The following ANKRD28 variants were observed in gnomAD, a reference collection of about 807,000 sequenced individuals.
The protein encoded by ANKRD28 is ankyrin repeat domain 28.
A neutral mutation model predicts 126.5 loss-of-function variants in ANKRD28; 44 were observed. That is an observed-to-expected ratio of 0.35 (90% CI 0.27 to 0.45). The LOEUF (loss-of-function observed/expected upper bound fraction) is 0.45, where lower values mean the gene tolerates loss of function less well. Among genes scored for constraint, ANKRD28 ranks in the 20% least tolerant of loss-of-function variants. The pLI is 1.00. For synonymous variants in ANKRD28, 442 were observed against 468.5 expected (o/e 0.94, Z 0.73); for missense variants, 1,110 against 1,316.6 (o/e 0.84, Z 2.43).
At chr3:15,784,835 A>C (rs2059700931) in intron 2 of ANKRD28, among the ~76,000 whole-genome samples, 1 of 152,050 alleles carries the variant, frequency 6.6e-6, no homozygotes, top group South Asian at 2.1e-4. Flanking sequence ...AGAATACAGC[A>C]GAGTAGGAAG....
At chr3:15,778,210 A>G (rs931629655) in intron 2 of ANKRD28, among the ~76,000 whole-genome samples, 2 of 152,204 alleles carry the variant, frequency 1.3e-5, no homozygotes, top group Non-Finnish European at 2.9e-5. Flanking sequence ...CTCTGGAGAT[A>G]GGAATCTTGT....
intron 24 of ANKRD28, 35 bp downstream of exon 24, chr3:15,678,174 C>T (rs371765070): frequency 3.2e-6 from 5 of 1,569,610 alleles, no homozygotes; most frequent in African/African-American, 1.4e-5. Context: ...GATACACATA[C>T]TTAGGAAAAT....
rs773014455 is a variant in ANKRD28, at chr3:15,838,434, G to A, written c.27+20943C>T. Among the ~76,000 whole-genome samples the A allele has an allele frequency of 1.1e-4, 17 of 152,000 alleles. No individual in the cohort carries two copies. Among genetic ancestry groups the A allele is most frequent in the Non-Finnish European group, 2.1e-4 (14 of 68,018 alleles). On this transcript the variant is annotated intron_variant, in intron 1 of 27. Transcript: ENST00000399451. This position sits in a 1 kb window ranked among gnomAD's most constrained non-coding sequence, Gnocchi z 4.0. ...ACATAAGCTTATTATACGACCCAGC[G>A]ATTCTACTCAAGAATCTTTGTGGCC...
chr3:15,795,146 A>C, intron 2 of ANKRD28, 77 bp downstream of exon 2: 1 of 1,058,782 alleles, frequency 9.4e-7, no homozygotes, highest in South Asian at 1.3e-5. Context: ...TATGTCTTGT[A>C]AACAAAAATC....
intron 27 of ANKRD28, among the ~76,000 whole-genome samples, chr3:15,675,326 C>T (rs1259662543): frequency 6.6e-6 from 1 of 152,102 alleles, no homozygotes; most frequent in African/African-American, 2.4e-5. Context: ...GGAATAACTG[C>T]GGACAGCAAG....
chr3:15,672,948 G>GT (rs960355507), intron 27 of ANKRD28, among the ~76,000 whole-genome samples: 6 of 152,166 alleles, frequency 3.9e-5, no homozygotes, highest in Admixed American at 3.9e-4. Flanking sequence ...GCTAATTTTT[G>GT]TATTTTTAGT....
At chr3:15,740,077 A>G (rs2075337171) in intron 4 of ANKRD28, among the ~76,000 whole-genome samples, 1 of 152,270 alleles carries the variant, frequency 6.6e-6, no homozygotes, top group Non-Finnish European at 1.5e-5. Flanking sequence ...AAATGAACCA[A>G]TAATGCATGA....
chr3:15,739,413 G>C (rs1346936523), intron 4 of ANKRD28, among the ~76,000 whole-genome samples: 1 of 152,104 alleles, frequency 6.6e-6, no homozygotes. Flanking sequence ...CCCTCCACTT[G>C]GGGTCCCTGA....
intron 18 of ANKRD28, chr3:15,686,531 C>T (rs563012870): frequency 3.6e-6 from 2 of 551,888 alleles, no homozygotes; most frequent in Non-Finnish European, 3.2e-6. Flanking sequence ...GGCAGACCGC[C>T]TACCCAGCAC....
intron 1 of ANKRD28, among the ~76,000 whole-genome samples, chr3:15,842,929 C>T (rs74527875): frequency 4.0e-4 from 61 of 152,328 alleles, no homozygotes; most frequent in African/African-American, 1.4e-3. Flanking sequence ...ATATATAGCA[C>T]ACCCGGACAG....
intron 8 of ANKRD28, among the ~76,000 whole-genome samples, chr3:15,715,668 G>A (rs917616968): frequency 6.6e-6 from 1 of 152,156 alleles, no homozygotes; most frequent in Admixed American, 6.5e-5. Context: ...CTTACCACAA[G>A]CAAGATTTTT....
intron 1 of ANKRD28, among the ~76,000 whole-genome samples, chr3:15,805,522 T>G (rs796273922): frequency 7.2e-5 from 11 of 152,310 alleles, no homozygotes; most frequent in African/African-American, 2.6e-4. Context: ...GATAAACACA[T>G]TCTCTGAAAT....
rs964252704 is a variant in ANKRD28, at chr3:15,838,312, G to A, written c.27+21065C>T. Among the ~76,000 whole-genome samples, 3 of 152,206 alleles carry A rather than the reference G, an allele frequency of 2.0e-5. No individual in the cohort carries two copies. The highest frequency in any genetic ancestry group is 4.4e-5 in the Non-Finnish European group (3 of 68,006). ...CCAAAGCCAGACAAAGATATCACAC[G>A]AATAGAGATTTTTTTTAATCCTAAC... On this transcript the variant is annotated intron_variant, in intron 1 of 27. Coordinates refer to the ANKRD28 transcript ENST00000399451. This position sits in a 1 kb window ranked among gnomAD's most constrained non-coding sequence, Gnocchi z 4.0.
intron 3 of ANKRD28, among the ~76,000 whole-genome samples, chr3:15,757,779 G>A (rs1290278469): frequency 6.6e-6 from 1 of 152,156 alleles, no homozygotes; most frequent in Non-Finnish European, 1.5e-5. Context: ...ATTCTGTTAT[G>A]GCAGCCCGAA....
intron 2 of ANKRD28, among the ~76,000 whole-genome samples, chr3:15,785,171 A>C (rs552184977): frequency 2.2e-4 from 33 of 152,258 alleles, no homozygotes; most frequent in African/African-American, 7.9e-4. Flanking sequence ...TTTGGGGATG[A>C]CCTTTTAGAT....
rs971276227 is a variant in ANKRD28 at position 15,711,088 on chromosome 3, A to T, written c.1337+123T>A. 37 of 813,062 alleles carry T rather than the reference A, an allele frequency of 4.6e-5. No individual in the cohort carries two copies. In the South Asian group the frequency reaches 5.6e-4, roughly 12 times the overall value. The allele number at this position is 813,062 out of a possible 1,614,324, so 50.4% of individuals were successfully genotyped here. On this transcript the variant is annotated intron_variant, in intron 12 of 27. Coordinates refer to ENST00000683139, the MANE Select transcript of ANKRD28 (RefSeq NM_001349278.2). ...GCCACCCTGGACTTTTTTTTCCCAA[A>T]CAACTCCTGTTTTGTTTTCTATTTT...
At chr3:15,790,225 A>G (rs2059965653) in intron 2 of ANKRD28, among the ~76,000 whole-genome samples, 1 of 152,142 alleles carries the variant, frequency 6.6e-6, no homozygotes, top group South Asian at 2.1e-4. Context: ...CATTTAAAGA[A>G]GAACTAATAC....
chr3:15,705,858 G>GCAC (rs79619706), intron 14 of ANKRD28, among the ~76,000 whole-genome samples: 26,799 of 151,816 alleles, frequency 0.18, 3,521 homozygotes, highest in East Asian at 0.58. Flanking sequence ...AATTAGCCAG[G>GCAC]CATGGTGGCA....
Position 15,724,426 on chromosome 3 carries a change from C to T in ANKRD28, c.739G>A (p.Gly247Arg). 1 of 1,606,804 alleles carries T rather than the reference C, an allele frequency of 6.2e-7. No homozygotes were observed. Among genetic ancestry groups the T allele is most frequent in the South Asian group, 1.1e-5 (1 of 89,456 alleles). Residue 247 changes from glycine (G) to arginine (R), a missense_variant, in exon 7 of 28, where the codon GGA (glycine) becomes AGA (arginine). Transcript: ENST00000683139. Reference protein sequence around the residue: ...YTPLHAAASSGMISVVKYLLD... With the variant: ...YTPLHAAASSRMISVVKYLLD... ...AGGTACTTGACTACGCTGATCATTC[C>T]ACTAGAGGCTGCTGCATGAAGAGGT...
Sources: gnomAD v4.1 joint callset for allele counts (sites outside exome capture counted in the v4.1 genomes callset) on GRCh38, gnomAD v4.1.1 for gene constraint, Gnocchi (gnomAD v3.1) non-coding constraint, MANE v1.5 for transcripts, NCBI Gene and HGNC (gene_info 2026-07-23, HGNC 2026-07-21) for gene names.